The following FAM53A variants were observed in gnomAD, a reference collection of about 807,000 sequenced individuals.
FAM53A encodes the protein family with sequence similarity 53 member A.
Under a neutral mutation model 26.6 loss-of-function variants are expected in FAM53A, and 28 were observed. The observed-to-expected ratio is 1.05, with a 90% CI of 0.78 to 1.45. The LOEUF is 1.45. Among genes scored for constraint, FAM53A ranks in the 40% most tolerant of loss-of-function variants. The probability of loss-of-function intolerance (pLI) is 0.00; values close to 1 mark genes in which losing one functional copy is unlikely to be tolerated. For missense variants in FAM53A, 650 were observed against 575.8 expected (o/e 1.13, Z -1.32); for synonymous variants, 290 against 253.1 (o/e 1.15, Z -1.38).
chr4:1,652,045 ACACACGCCACACACACAC>A (rs1712850407), intron 4 of FAM53A, among the ~76,000 whole-genome samples: 1 of 145,540 alleles, frequency 6.9e-6, no homozygotes, highest in African/African-American at 2.6e-5. Context: ...CACACACACC[ACACACGCCACACACACAC>A]CACATACACC....
chr4:1,677,051 A>C (rs798735), intron 1 of FAM53A, among the ~76,000 whole-genome samples: 1 of 151,976 alleles, frequency 6.6e-6, no homozygotes, highest in Non-Finnish European at 1.5e-5. Flanking sequence ...TGTGCTCAGC[A>C]CTGGCGGGGC....
chr4:1,628,624 T>G (rs1377448163), intron 1 of FAM53A, among the ~76,000 whole-genome samples: 6 of 7,924 alleles, frequency 7.6e-4, no homozygotes, highest in Admixed American at 1.5e-3. Flanking sequence ...ATGGGGAGGG[T>G]GGCATGGGGG....
chr4:1,596,394 G>C, the FAM53A span, among the ~76,000 whole-genome samples: 2 of 76,964 alleles, frequency 2.6e-5, no homozygotes, highest in African/African-American at 6.1e-5. Context: ...AAGAGATCCA[G>C]TGCGCCCCCA....
intron 1 of FAM53A, among the ~76,000 whole-genome samples, chr4:1,626,867 C>T (rs1715330573): frequency 6.6e-6 from 1 of 152,164 alleles, no homozygotes; most frequent in Admixed American, 6.5e-5. Context: ...AGCCCCTGGC[C>T]AGGGCTCAAT....
At chr4:1,606,339 C>G in the FAM53A span, among the ~76,000 whole-genome samples, 1 of 152,056 alleles carries the variant, frequency 6.6e-6, no homozygotes, top group Non-Finnish European at 1.5e-5. Flanking sequence ...GCCACCGCAC[C>G]CGGCCTCCTA....
intron 1 of FAM53A, among the ~76,000 whole-genome samples, chr4:1,623,212 G>A (rs901648168): frequency 3.9e-5 from 6 of 152,226 alleles, no homozygotes; most frequent in Admixed American, 6.5e-5. Context: ...ATCAGCGGTA[G>A]AGGAGACTGT....
intron 4 of FAM53A, among the ~76,000 whole-genome samples, chr4:1,642,679 AC>A (rs1711830855): frequency 1.7e-5 from 1 of 57,870 alleles, no homozygotes; most frequent in Non-Finnish European, 3.8e-5. Context: ...ACCCCCCGCC[AC>A]CTCCCAGTCC....
chr4:1,577,477 C>A, the FAM53A span, among the ~76,000 whole-genome samples: 1 of 152,182 alleles, frequency 6.6e-6, no homozygotes, highest in Non-Finnish European at 1.5e-5. Context: ...GGACTGCTGG[C>A]CAGAGTGGCC....
At chr4:1,657,580 T>C in intron 2 of FAM53A, 112 bp from the exon 3 acceptor site, 1 of 894,198 alleles carries the variant, frequency 1.1e-6, no homozygotes, top group South Asian at 1.5e-5. Context: ...GTTTTCTTTC[T>C]AGTGATTAAA....
At chr4:1,649,869 G>A (rs1251893870) in intron 4 of FAM53A, among the ~76,000 whole-genome samples, 1 of 151,992 alleles carries the variant, frequency 6.6e-6, no homozygotes, top group Non-Finnish European at 1.5e-5. Flanking sequence ...AGGTGGCACA[G>A]GCGTGGTGTT....
chr4:1,635,897 G>A (rs1485092913), downstream of FAM53A, among the ~76,000 whole-genome samples: 1 of 138,490 alleles, frequency 7.2e-6, no homozygotes, highest in African/African-American at 2.8e-5. Flanking sequence ...AGGCTGGAGT[G>A]CAGTGGCGCG....
chr4:1,682,252 A>C (rs1220290680), intron 1 of FAM53A, among the ~76,000 whole-genome samples: 3 of 147,564 alleles, frequency 2.0e-5, no homozygotes, highest in African/African-American at 7.5e-5. Context: ...TTATATAAAA[A>C]TTTTTAATTT....
chr4:1,589,408 G>C, the FAM53A span, among the ~76,000 whole-genome samples: 1 of 152,084 alleles, frequency 6.6e-6, no homozygotes, highest in African/African-American at 2.4e-5. Flanking sequence ...TTATTGAAAG[G>C]CCTTACAATT....
the FAM53A span, among the ~76,000 whole-genome samples, chr4:1,587,414 G>A: frequency 6.6e-6 from 1 of 152,172 alleles, no homozygotes; most frequent in African/African-American, 2.4e-5. Context: ...GTTTACGTCT[G>A]TAATCCCAGC....
chr4:1,636,800 C>A (rs1256402878), downstream of FAM53A, among the ~76,000 whole-genome samples: 2 of 152,236 alleles, frequency 1.3e-5, no homozygotes, highest in African/African-American at 4.8e-5. Context: ...ACGGGGCTAG[C>A]ATGGGGCCCA....
chr4:1,659,863 T>C lies in FAM53A; in HGVS notation c.76-2395A>G, dbSNP rs1287535224. On this transcript the variant is annotated intron_variant, in intron 2 of 4. Transcript: ENST00000308132. The surrounding 1 kb of genome is among the most constrained non-coding windows in gnomAD (Gnocchi z 5.2). Reference sequence around the variant, plus strand: ...TCTCACATATGCGCACTTAATTCCATTCATGAGGGCACTGCCGCCATGACC... The same window carrying C: ...TCTCACATATGCGCACTTAATTCCACTCATGAGGGCACTGCCGCCATGACC... 6.6e-6 allele frequency among the ~76,000 whole-genome samples: 1 copy of C among 152,128 alleles called. No homozygotes were observed. The highest frequency in any genetic ancestry group is 1.5e-5 in the Non-Finnish European group (1 of 68,024).
chr4:1,661,027 T>C (rs977920727), intron 2 of FAM53A, among the ~76,000 whole-genome samples: 5 of 151,954 alleles, frequency 3.3e-5, no homozygotes, highest in Non-Finnish European at 7.4e-5. Flanking sequence ...ACAGTGAGCT[T>C]CCCTGCGCCT....
intron 1 of FAM53A, among the ~76,000 whole-genome samples, chr4:1,622,356 G>A (rs1252926813): frequency 6.6e-6 from 1 of 152,126 alleles, no homozygotes; most frequent in Non-Finnish European, 1.5e-5. Flanking sequence ...GAGCCCCCCG[G>A]CTGAAGGTGG....
Position 1,655,394 on chromosome 4 carries a change from C to A in FAM53A, c.466G>T (p.Gly156Cys). 1 of 1,464,838 alleles carries A rather than the reference C, an allele frequency of 6.8e-7. No individual in the cohort carries two copies. Among genetic ancestry groups the A allele is most frequent in the Admixed American group, 2.7e-5 (1 of 37,320 alleles). 90.7% of individuals were successfully genotyped at this position (1,464,838 alleles called of 1,614,324 possible). ...CTTCCCTGCCGCGTGGCACTCCCGC[C>A]GCTGTCGCACCGCCTCTTGGAGACT... Reference protein sequence around the residue: ...TPVSKRRCDSGGSATRQGSPG... With the variant: ...TPVSKRRCDSCGSATRQGSPG... Residue 156 changes from glycine (G) to cysteine (C), a missense_variant, in exon 4 of 5, where the codon GGC (glycine) becomes TGC (cysteine). Physicochemically the swap from Gly to Cys is radical, Grantham distance 159. Coordinates refer to ENST00000308132, the MANE Select transcript of FAM53A (RefSeq NM_001174070.3).
Sources: gnomAD v4.1 joint callset for allele counts (sites outside exome capture counted in the v4.1 genomes callset) on GRCh38, gnomAD v4.1.1 for gene constraint, Gnocchi (gnomAD v3.1) non-coding constraint, MANE v1.5 for transcripts, NCBI Gene and HGNC (gene_info 2026-07-23, HGNC 2026-07-21) for gene names.